The following NOS1 variants were observed in gnomAD, a reference collection of about 807,000 sequenced individuals.
NOS1 encodes nitric oxide synthase 1.
NOS1 carries 51 observed loss-of-function variants against 164.5 expected under a neutral mutation model. That is an observed-to-expected ratio of 0.31 (90% confidence interval 0.25 to 0.39). The LOEUF (loss-of-function observed/expected upper bound fraction) is 0.39. Ranked by LOEUF, NOS1 falls within the 10% of genes least tolerant of loss-of-function variation. The pLI, the probability that NOS1 is intolerant of heterozygous loss-of-function variation, is 1.00. For synonymous variants in NOS1, 719 were observed against 745.8 expected (o/e 0.96, Z 0.59); for missense variants, 1,362 against 1,885.6 (o/e 0.72, Z 5.14).
Position 117,344,203 on chromosome 12 carries a change from C to CTAAA in NOS1, c.-420-12718_-420-12715dup, listed in dbSNP as rs145897163. The stretch of plus-strand genomic sequence containing the variant: ...GTATACATTTGCTGGCCACATGGAG[C>CTAAA]TAAAGCACCACAGGTCTGCTTTCAT... On this transcript the variant is annotated intron_variant, in intron 1 of 28. Transcript: ENST00000317775. Among the ~76,000 whole-genome samples the CTAAA allele has an allele frequency of 3.9e-4, 59 of 152,324 alleles. 1 individual carries two copies. In the East Asian group the frequency reaches 0.011, roughly 28 times the overall value.
chr12:117,255,296 T>C lies in NOS1; in HGVS notation c.2532-1542A>G, dbSNP rs138746300. Among the ~76,000 whole-genome samples, 316 of 151,330 alleles carry C rather than the reference T, an allele frequency of 2.1e-3. 1 individual carries two copies. The highest frequency in any genetic ancestry group is 7.3e-3 in the African/African-American group (301 of 41,232). ...AGCAAACAGAAACAAACAAAAAATC[T>C]GAGACCAAACAAACAAGCAACCAAA... On this transcript the variant is annotated intron_variant, in intron 16 of 28. Coordinates refer to ENST00000317775, the MANE Select transcript of NOS1 (RefSeq NM_000620.5).
At chr12:117,279,153 C>A (rs145133319) in intron 8 of NOS1, among the ~76,000 whole-genome samples, 1 of 151,684 alleles carries the variant, frequency 6.6e-6, no homozygotes, top group Non-Finnish European at 1.5e-5. Context: ...CAGAGGTGGG[C>A]GGATCATGAG....
chr12:117,328,721 C>T (rs1487572702), intron 2 of NOS1, among the ~76,000 whole-genome samples: 15 of 152,218 alleles, frequency 9.9e-5, no homozygotes, highest in South Asian at 2.1e-4. Flanking sequence ...TGTGCCATCA[C>T]GCCCAGCTAA....
intron 20 of NOS1, among the ~76,000 whole-genome samples, chr12:117,242,278 T>A (rs548229786): frequency 1.3e-5 from 2 of 152,288 alleles, no homozygotes; most frequent in African/African-American, 2.4e-5. Flanking sequence ...AAAAAAATTA[T>A]CCACAATAGG....
intron 1 of NOS1, among the ~76,000 whole-genome samples, chr12:117,346,681 C>T (rs1798474241): frequency 6.6e-6 from 1 of 152,140 alleles, no homozygotes; most frequent in African/African-American, 2.4e-5. Context: ...ATGACTCAGG[C>T]TCTGCATTTT....
At chr12:117,266,467 G>A (rs7297846) in intron 11 of NOS1, among the ~76,000 whole-genome samples, 30 of 152,092 alleles carry the variant, frequency 2.0e-4, no homozygotes, top group Admixed American at 1.8e-3. Context: ...TAGCAATTGC[G>A]AATTGTGCTG....
Position 117,208,896 on chromosome 12 carries a change from T to C in NOS1, c.*6413A>G. 1.6e-6 allele frequency: 1 copy of C among 629,092 alleles called. No homozygotes were observed. Among genetic ancestry groups the C allele is most frequent in the Non-Finnish European group, 2.0e-6 (1 of 504,106 alleles). 39.0% of individuals were successfully genotyped at this position (629,092 alleles called of 1,614,324 possible). A position where few individuals can be genotyped will look rare whatever the true frequency, so the allele number is the denominator to read the frequency against. ...CGCCACCACGCCGGGCTGATTTTTG[T>C]ATTTTTAGTAGAGACGAGGTTTTGC... On this transcript the variant is annotated 3_prime_UTR_variant, in exon 29 of 29. Coordinates refer to ENST00000317775, the MANE Select transcript of NOS1 (RefSeq NM_000620.5).
In NOS1 at chr12:117,259,133, A is replaced by G; in HGVS notation, c.2368-3T>C. On this transcript the variant is annotated splice_region_variant and splice_polypyrimidine_tract_variant and intron_variant, in intron 14 of 28. Transcript: ENST00000317775. ...TCATATTCTTCCATGGACATCACCT[A>G]GGTGGGCAGGGCACAGGTATAGGAT... 6.2e-6 allele frequency: 10 copies of G among 1,605,726 alleles called. No individual in the cohort carries two copies. The highest frequency in any genetic ancestry group is 8.5e-6 in the Non-Finnish European group (10 of 1,172,410).
chr12:117,267,818 C>T (rs552500344), intron 11 of NOS1, among the ~76,000 whole-genome samples: 2 of 152,306 alleles, frequency 1.3e-5, no homozygotes, highest in African/African-American at 4.8e-5. Context: ...CAGAACACTC[C>T]TCTACCCCTG....
Position 117,227,537 on chromosome 12 carries a change from G to A in NOS1, c.3510C>T (p.Thr1170=). Residue 1170 remains threonine, a synonymous_variant, in exon 23 of 29, where the codon ACC becomes ACT. Coordinates refer to ENST00000317775, the MANE Select transcript of NOS1 (RefSeq NM_000620.5). ...AGCGGGGCTGCAGCAGGGACAGCTG[G>A]GTCAGGAGCAGGGTGGCCGGCATCT... ...SIQMPATLLL[T]QLSLLQPRYY... is the part of the protein sequence containing the mutation. 1 of 1,613,180 alleles carries A rather than the reference G, an allele frequency of 6.2e-7. No homozygotes were observed. Among genetic ancestry groups the A allele is most frequent in the Non-Finnish European group, 8.5e-7 (1 of 1,179,524 alleles).
intron 3 of NOS1, among the ~76,000 whole-genome samples, chr12:117,308,835 T>C (rs1289548590): frequency 2.0e-5 from 3 of 150,026 alleles, no homozygotes; most frequent in Non-Finnish European, 4.5e-5. Flanking sequence ...GACCTCGTGA[T>C]TTGCCTCCCT....
intron 27 of NOS1, among the ~76,000 whole-genome samples, chr12:117,218,643 C>T (rs971290463): frequency 2.6e-5 from 4 of 152,064 alleles, no homozygotes; most frequent in African/African-American, 9.7e-5. Context: ...ACAGTGGAGA[C>T]TCCGTGGGCA....
At chr12:117,279,309 C>T (rs1294882573) in intron 8 of NOS1, among the ~76,000 whole-genome samples, 1 of 151,812 alleles carries the variant, frequency 6.6e-6, no homozygotes, top group East Asian at 1.9e-4. Context: ...CTCAGAGTTG[C>T]AGTGAGCTGA....
At chr12:117,297,910 G>C (rs542766709) in intron 3 of NOS1, among the ~76,000 whole-genome samples, 1 of 152,210 alleles carries the variant, frequency 6.6e-6, no homozygotes, top group East Asian at 1.9e-4. Context: ...GAGGCAGGCA[G>C]GCGCCTCCAA....
intron 1 of NOS1, among the ~76,000 whole-genome samples, chr12:117,346,308 T>C (rs954408881): frequency 1.7e-4 from 26 of 152,050 alleles, no homozygotes; most frequent in South Asian, 4.1e-4. Context: ...CCGTCTCTAC[T>C]AAAAATACAA....
chr12:117,217,771 C>T (rs933234530), intron 28 of NOS1, among the ~76,000 whole-genome samples: 6 of 152,110 alleles, frequency 3.9e-5, no homozygotes, highest in African/African-American at 1.4e-4. Context: ...AAACAGAAGC[C>T]GGCCCCCAAA....
At chr12:117,294,160 T>C (rs1181355856) in intron 3 of NOS1, among the ~76,000 whole-genome samples, 3 of 152,182 alleles carry the variant, frequency 2.0e-5, no homozygotes, top group Non-Finnish European at 4.4e-5. Context: ...AGAAACCCTC[T>C]CGGCCACCCA....
chr12:117,209,981 A>G lies in NOS1; in HGVS notation c.*5328T>C. 6 of 984,492 alleles carry G rather than the reference A, an allele frequency of 6.1e-6. No individual in the cohort carries two copies. Among genetic ancestry groups the G allele is most frequent in the South Asian group, 4.7e-5 (1 of 21,238 alleles). The allele number at this position is 984,492 out of a possible 1,614,324, so 61.0% of individuals were successfully genotyped here. Reference sequence around the variant, plus strand: ...TCCCAGCACCTGGTCTTTCATTTTAATTTTTTTTAGAGACAGGGTCTTGCT... The same window carrying G: ...TCCCAGCACCTGGTCTTTCATTTTAGTTTTTTTTAGAGACAGGGTCTTGCT... On this transcript the variant is annotated 3_prime_UTR_variant, in exon 29 of 29. Coordinates refer to ENST00000317775, the MANE Select transcript of NOS1 (RefSeq NM_000620.5).
chr12:117,219,019 C>T (rs571746739), intron 27 of NOS1, among the ~76,000 whole-genome samples: 17 of 150,612 alleles, frequency 1.1e-4, no homozygotes, highest in Non-Finnish European at 2.1e-4. Flanking sequence ...CGCTCTGTCA[C>T]CCAGGCTGGA....
Sources: allele counts gnomAD v4.1 joint callset (sites outside exome capture counted in the v4.1 genomes callset), GRCh38; gene constraint gnomAD v4.1.1; transcripts MANE v1.5; gene names NCBI Gene and HGNC (gene_info 2026-07-23, HGNC 2026-07-21).